The following TPTE2 variants were observed in gnomAD, a reference collection of about 807,000 sequenced individuals.
TPTE2 encodes phosphatidylinositol 3,4,5-trisphosphate 3-phosphatase TPTE2.
Under a neutral mutation model 78.6 loss-of-function variants are expected in TPTE2, and 53 were observed. That is an observed-to-expected ratio of 0.67 (90% confidence interval 0.54 to 0.85). TPTE2 has a LOEUF of 0.85. TPTE2 is among the 40% of genes least tolerant of loss of function. The probability of loss-of-function intolerance (pLI) is 0.00; values close to 1 mark genes in which losing one functional copy is unlikely to be tolerated. For missense variants in TPTE2, 461 were observed against 623.0 expected, an observed-to-expected ratio of 0.74 and a Z score of 2.77; for synonymous variants, 175 against 206.2, an observed-to-expected ratio of 0.85 and a Z score of 1.30.
chr13:19,460,432 G>T (rs1878815480), intron 10 of TPTE2, among the ~76,000 whole-genome samples: 1 of 152,198 alleles, frequency 6.6e-6, no homozygotes, highest in Admixed American at 6.5e-5. Context: ...TCAGTTGAAG[G>T]TGCTGAATTC....
At chr13:19,437,751 A>C (rs1877203226) in intron 14 of TPTE2, among the ~76,000 whole-genome samples, 2 of 152,114 alleles carry the variant, frequency 1.3e-5, no homozygotes, top group Non-Finnish European at 2.9e-5. Context: ...TTTATTTAAA[A>C]TGTTGATATT....
In TPTE2 at chr13:19,488,650, C is replaced by T. The variant is rs1411761365; in HGVS notation, c.119+4200G>A. ...TTACCTCTCCCAGGCTTCATTGAAT[C>T]GAAGAGAGTGAGGGCCTTGTCCTGG... is the stretch of plus-strand genomic sequence containing the variant. On this transcript the variant is annotated intron_variant, in intron 3 of 19. Transcript: ENST00000400230. Among the ~76,000 whole-genome samples the T allele has an allele frequency of 3.9e-5, 6 of 152,292 alleles. No individual in the cohort carries two copies. The East Asian group carries it at 9.7e-4, about 25-fold the overall frequency.
intron 6 of TPTE2, among the ~76,000 whole-genome samples, chr13:19,473,052 CAA>C (rs1741186709): frequency 6.7e-6 from 1 of 148,966 alleles, no homozygotes; most frequent in South Asian, 2.1e-4. Flanking sequence ...TTCTCCCAAA[CAA>C]AGAGTCTCTC....
intron 3 of TPTE2, among the ~76,000 whole-genome samples, chr13:19,491,807 A>G (rs1305893005): frequency 6.6e-6 from 1 of 152,314 alleles, no homozygotes; most frequent in Non-Finnish European, 1.5e-5. Context: ...CTTGGGCAAC[A>G]GCGAGACTTC....
At chr13:19,512,739 C>T (rs1869535921) in intron 1 of TPTE2, among the ~76,000 whole-genome samples, 1 of 152,050 alleles carries the variant, frequency 6.6e-6, no homozygotes, top group Non-Finnish European at 1.5e-5. Context: ...CCACCATGCC[C>T]AGCTAATTTT....
At chr13:19,517,708 T>A (rs2137711736) in intron 1 of TPTE2, among the ~76,000 whole-genome samples, 1 of 152,286 alleles carries the variant, frequency 6.6e-6, no homozygotes. Context: ...GAACTCTGCG[T>A]CCATGGCAAC....
At chr13:19,477,268 T>C (rs1407535729) in intron 4 of TPTE2, among the ~76,000 whole-genome samples, 1 of 151,448 alleles carries the variant, frequency 6.6e-6, no homozygotes, top group Non-Finnish European at 1.5e-5. Context: ...AGTACTGAGT[T>C]TAATACCTGG....
the TPTE2 span, among the ~76,000 whole-genome samples, chr13:19,547,722 T>TATATATATATATATAC: frequency 6.5e-5 from 7 of 107,012 alleles, no homozygotes; most frequent in Admixed American, 2.6e-4. Context: ...TAAATATACA[T>TATATATATATATATAC]ATATATATAT....
the TPTE2 span, chr13:19,560,794 G>A: frequency 6.1e-6 from 9 of 1,476,298 alleles, no homozygotes; most frequent in South Asian, 1.2e-5. Flanking sequence ...CTCTGGCACC[G>A]CTTGTACTCC....
intron 1 of TPTE2, among the ~76,000 whole-genome samples, chr13:19,500,129 A>G (rs1415024217): frequency 6.6e-6 from 1 of 151,954 alleles, no homozygotes; most frequent in African/African-American, 2.4e-5. Flanking sequence ...ATAGACCAAT[A>G]ACAGGATCTG....
chr13:19,544,814 G>C, the TPTE2 span, among the ~76,000 whole-genome samples: 68 of 152,278 alleles, frequency 4.5e-4, no homozygotes, highest in Middle Eastern at 6.8e-3. Context: ...GAGGTGGCAG[G>C]ATCATCTAAG....
chr13:19,507,321 A>G (rs1268680154), upstream of TPTE2, among the ~76,000 whole-genome samples: 1 of 151,768 alleles, frequency 6.6e-6, no homozygotes, highest in South Asian at 2.1e-4. Flanking sequence ...AAAAAAAAAA[A>G]AAAACACATG....
intron 1 of TPTE2, among the ~76,000 whole-genome samples, chr13:19,531,630 T>TA (rs35886221): frequency 0.63 from 93,784 of 147,782 alleles, 32,517 homozygotes; most frequent in East Asian, 0.88. Context: ...GGTATTTAGT[T>TA]AAAAAAAAAA....
At chr13:19,510,024 A>T (rs563157880) in intron 1 of TPTE2, among the ~76,000 whole-genome samples, 25 of 152,328 alleles carry the variant, frequency 1.6e-4, no homozygotes, top group African/African-American at 5.5e-4. Context: ...TTGTAGACTG[A>T]AAGTGGGAAA....
chr13:19,460,205 A>G (rs116224650), intron 10 of TPTE2, among the ~76,000 whole-genome samples: 1,627 of 152,320 alleles, frequency 0.011, 26 homozygotes, highest in African/African-American at 0.037. Flanking sequence ...ATGGGCTCAC[A>G]AGGGGATCTC....
chr13:19,478,392 CAACA>C (rs1880105654), intron 4 of TPTE2, among the ~76,000 whole-genome samples: 1 of 152,192 alleles, frequency 6.6e-6, no homozygotes, highest in African/African-American at 2.4e-5. Flanking sequence ...TTTATGCAGC[CAACA>C]GACACATGAA....
chr13:19,519,302 C>T (rs1275881869), intron 1 of TPTE2, among the ~76,000 whole-genome samples: 1 of 151,934 alleles, frequency 6.6e-6, no homozygotes, highest in Non-Finnish European at 1.5e-5. Flanking sequence ...ACTCTAAACC[C>T]CTCTAGCTTT....
rs1400662188 is a variant in TPTE2 at position 19,449,979 on chromosome 13, T to C, written c.973+97A>G. 2.4e-6 allele frequency: 3 copies of C among 1,266,012 alleles called. No individual in the cohort carries two copies. In the African/African-American group the frequency reaches 4.6e-5, roughly 19 times the overall value. 78.4% of individuals were successfully genotyped at this position (1,266,012 alleles called of 1,614,324 possible). On this transcript the variant is annotated intron_variant, in intron 13 of 19. Transcript: ENST00000400230. ...TAATATTTAAAAATGCTAACAATTATTAATACATATTAATAGCAATACGTA... is the reference window on the plus strand; with the variant it reads ...TAATATTTAAAAATGCTAACAATTACTAATACATATTAATAGCAATACGTA...
At chr13:19,539,866 C>T (rs114982064), upstream of TPTE2, among the ~76,000 whole-genome samples, 1,215 of 152,242 alleles carry the variant, frequency 8.0e-3, 13 homozygotes, top group African/African-American at 0.026. Flanking sequence ...CCATTGGGGC[C>T]AGGCATGGTG....
Sources: gnomAD v4.1 joint callset for allele counts (sites outside exome capture counted in the v4.1 genomes callset) on GRCh38, gnomAD v4.1.1 for gene constraint, MANE v1.5 for transcripts, NCBI Gene and HGNC (gene_info 2026-07-23, HGNC 2026-07-21) for gene names.